Variants in PCSK2 observed in about 807,000 individuals in gnomAD.
The protein encoded by PCSK2 is neuroendocrine convertase 2.
In PCSK2, 14 loss-of-function variants were observed where a neutral mutation model predicts 69.7. That is an observed-to-expected ratio of 0.20 (90% CI 0.13 to 0.31). The LOEUF (loss-of-function observed/expected upper bound fraction) is 0.31, where lower values mean the gene tolerates loss of function less well. PCSK2 is among the 10% of genes least tolerant of loss of function. The pLI is 1.00. For missense variants in PCSK2, 544 were observed against 842.5 expected (o/e 0.65, Z 4.39); for synonymous variants, 307 against 320.7 (o/e 0.96, Z 0.46).
At chr20:17,233,002 G>A (rs1014487105) in intron 1 of PCSK2, among the ~76,000 whole-genome samples, 1 of 152,178 alleles carries the variant, frequency 6.6e-6, no homozygotes, top group Admixed American at 6.5e-5. Flanking sequence ...AGACCTGTCT[G>A]GTTGACCTAG....
rs554437660 is a variant in PCSK2, at chr20:17,463,773, A to T, written c.1203-1553A>T. ...AAGGTCTGCATTCAAGAGCACATGG[A>T]TCATTTGAACTCTTGGTTCTGATTC... is the stretch of plus-strand genomic sequence containing the variant. On this transcript the variant is annotated intron_variant, in intron 10 of 11. Transcript: ENST00000262545. The T allele has an allele frequency of 7.3e-5, 11 of 150,908 alleles. No individual in the cohort carries two copies. The East Asian group carries it at 2.0e-3, about 27-fold the overall frequency. 9.3% of individuals were successfully genotyped at this position (150,908 alleles called of 1,614,324 possible).
At position 17,429,187 on chromosome 20, in the gene PCSK2, C is replaced by T. The variant is rs145847209; in HGVS notation, c.621-248C>T. The stretch of plus-strand genomic sequence containing the variant: ...TTATACTTGTTTTATTTCTCTATTG[C>T]GGCTTTACAAACCACCCCAAAATGG... On this transcript the variant is annotated intron_variant, in intron 6 of 11. Transcript: ENST00000262545. Among the ~76,000 whole-genome samples, 387 of 151,844 alleles carry T rather than the reference C, an allele frequency of 2.5e-3. 1 individual carries two copies. Among genetic ancestry groups the T allele is most frequent in the African/African-American group, 8.5e-3 (352 of 41,356 alleles).
At chr20:17,474,387 A>G (rs892305850) in intron 11 of PCSK2, among the ~76,000 whole-genome samples, 1 of 152,190 alleles carries the variant, frequency 6.6e-6, no homozygotes, top group Non-Finnish European at 1.5e-5. Flanking sequence ...GATTCTTAAC[A>G]CAAGTTTGTG....
intron 2 of PCSK2, among the ~76,000 whole-genome samples, chr20:17,347,904 GAAAGAAAGAAAGAAAGGA>G (rs1312672408): frequency 2.0e-4 from 4 of 19,914 alleles, no homozygotes; most frequent in Admixed American, 5.4e-4. Flanking sequence ...AAGAAAGAAA[GAAAGAAAGAAAGAAAGGA>G]GAGAGAAAAA....
At chr20:17,274,963 G>C (rs1271673945) in intron 2 of PCSK2, among the ~76,000 whole-genome samples, 2 of 151,504 alleles carry the variant, frequency 1.3e-5, no homozygotes, top group Admixed American at 6.6e-5. Context: ...TGCTTCTTTG[G>C]CTATTATTGT....
chr20:17,367,256 T>C (rs1360225081), intron 4 of PCSK2, among the ~76,000 whole-genome samples: 1 of 152,212 alleles, frequency 6.6e-6, no homozygotes, highest in African/African-American at 2.4e-5. Flanking sequence ...TTAATGTTTC[T>C]TTTCTTCTGC....
intron 5 of PCSK2, among the ~76,000 whole-genome samples, chr20:17,370,520 A>G (rs936777157): frequency 3.3e-5 from 5 of 152,226 alleles, no homozygotes; most frequent in Non-Finnish European, 7.3e-5. Flanking sequence ...CCAGAAAGAA[A>G]TGACAGAAAT....
rs116335954 is a variant in PCSK2, at chr20:17,304,518, G to A, written c.282+44174G>A. On this transcript the variant is annotated intron_variant, in intron 2 of 11. Transcript: ENST00000262545. ...AACGGAGCACAGGAAGCTATTGTAG[G>A]GACACTGGACTGGCAATCTGGGTAG... Among the ~76,000 whole-genome samples the A allele has an allele frequency of 7.3e-3, 1,106 of 152,202 alleles. 9 individuals are homozygous for A. The highest frequency in any genetic ancestry group is 0.024 in the African/African-American group (1,002 of 41,538).
At chr20:17,297,086 G>C (rs1441787188) in intron 2 of PCSK2, among the ~76,000 whole-genome samples, 1 of 152,174 alleles carries the variant, frequency 6.6e-6, no homozygotes, top group Non-Finnish European at 1.5e-5. Flanking sequence ...TAAAAGAGCT[G>C]ACGTTTAAGC....
intron 2 of PCSK2, among the ~76,000 whole-genome samples, chr20:17,273,850 C>T (rs905677876): frequency 6.6e-6 from 1 of 152,132 alleles, no homozygotes; most frequent in Admixed American, 6.6e-5. Context: ...TTGAAAGTTT[C>T]ACCATCTTGA....
At chr20:17,455,347 A>G (rs1364508552) in intron 9 of PCSK2, among the ~76,000 whole-genome samples, 16 of 152,158 alleles carry the variant, frequency 1.1e-4, no homozygotes, top group Admixed American at 9.8e-4. Context: ...CATGATTTTA[A>G]TGAACACCCT....
At chr20:17,232,339 T>C (rs1986170257) in intron 1 of PCSK2, among the ~76,000 whole-genome samples, 1 of 152,222 alleles carries the variant, frequency 6.6e-6, no homozygotes, top group Non-Finnish European at 1.5e-5. Flanking sequence ...TCACCAACAC[T>C]AGATATTTTA....
intron 2 of PCSK2, among the ~76,000 whole-genome samples, chr20:17,355,541 A>G (rs902812584): frequency 6.6e-6 from 1 of 152,198 alleles, no homozygotes; most frequent in African/African-American, 2.4e-5. Flanking sequence ...ATAGTGAAAG[A>G]AGTTTGCGAG....
At chr20:17,479,315 G>A in intron 11 of PCSK2, 1 of 816,034 alleles carries the variant, frequency 1.2e-6, no homozygotes, top group Non-Finnish European at 2.2e-6. Context: ...ACTGGTTGAT[G>A]TTGTTGTAAT....
At position 17,432,365 on chromosome 20, in the gene PCSK2, G is replaced by A. The variant is rs1445598364; in HGVS notation, c.709+2842G>A. ...TTCAAACTCCGTGACATGTAGACCC[G>A]CACATACGGGATGTCCCAAAAGTCA... On this transcript the variant is annotated intron_variant, in intron 7 of 11. Coordinates refer to ENST00000262545, the MANE Select transcript of PCSK2 (RefSeq NM_002594.5). 5.3e-5 allele frequency among the ~76,000 whole-genome samples: 8 copies of A among 152,028 alleles called. No homozygotes were observed. The East Asian group carries it at 5.8e-4, about 11-fold the overall frequency.
chr20:17,273,261 A>G (rs934619044), intron 2 of PCSK2, among the ~76,000 whole-genome samples: 4 of 152,168 alleles, frequency 2.6e-5, no homozygotes, highest in Non-Finnish European at 5.9e-5. Context: ...TGCTTCCAAA[A>G]TAATTATTCT....
At chr20:17,286,081 C>A (rs1304384310) in intron 2 of PCSK2, among the ~76,000 whole-genome samples, 4 of 152,182 alleles carry the variant, frequency 2.6e-5, no homozygotes, top group Non-Finnish European at 4.4e-5. Context: ...ATGGCCAGGA[C>A]ATTCCTCCAA....
At chr20:17,467,077 G>A (rs1004646271) in intron 11 of PCSK2, among the ~76,000 whole-genome samples, 3 of 152,202 alleles carry the variant, frequency 2.0e-5, no homozygotes, top group Non-Finnish European at 4.4e-5. Flanking sequence ...CCTGGCCAGA[G>A]TCCAACCCCT....
At chr20:17,250,386 G>A (rs1159436107) in intron 1 of PCSK2, among the ~76,000 whole-genome samples, 1 of 152,132 alleles carries the variant, frequency 6.6e-6, no homozygotes, top group Non-Finnish European at 1.5e-5. Context: ...TATTTTTGGT[G>A]AGAAAATCAC....
Sources: allele counts gnomAD v4.1 joint callset (sites outside exome capture counted in the v4.1 genomes callset), GRCh38; gene constraint gnomAD v4.1.1; transcripts MANE v1.5; gene names NCBI Gene and HGNC (gene_info 2026-07-23, HGNC 2026-07-21).